KPNA7: variants seen among roughly 807,000 people sequenced by gnomAD.
The protein encoded by KPNA7 is importin subunit alpha-8.
A neutral mutation model predicts 53.7 loss-of-function variants in KPNA7; 54 were observed. The ratio of observed to expected loss-of-function variants is 1.01; its 90% confidence interval spans 0.81 to 1.26. The LOEUF (loss-of-function observed/expected upper bound fraction) is 1.26, where lower values mean the gene tolerates loss of function less well. Among genes scored for constraint, KPNA7 ranks in the 50% most tolerant of loss-of-function variants. The pLI, the probability that KPNA7 is intolerant of heterozygous loss-of-function variation, is 0.00. For synonymous variants in KPNA7, 276 were observed against 259.3 expected, an observed-to-expected ratio of 1.06 and a Z score of -0.62; for missense variants, 640 against 644.5, an observed-to-expected ratio of 0.99 and a Z score of 0.07.
chr7:99,163,514 G>C, the KPNA7 span, among the ~76,000 whole-genome samples: 1 of 146,784 alleles, frequency 6.8e-6, no homozygotes, highest in Non-Finnish European at 1.5e-5. Context: ...TCAGCCTCCT[G>C]AGTAGCTGGG....
At chr7:99,154,134 C>T in the KPNA7 span, among the ~76,000 whole-genome samples, 17 of 141,470 alleles carry the variant, frequency 1.2e-4, no homozygotes, top group African/African-American at 4.4e-4. Context: ...AGCTCACACA[C>T]TTTTTTTTTT....
In KPNA7 at chr7:99,190,278, A is replaced by G. The variant is rs1584287342; in HGVS notation, c.637-1715T>C. 2.0e-5 allele frequency among the ~76,000 whole-genome samples: 3 copies of G among 149,888 alleles called. No individual in the cohort carries two copies. In the Admixed American group the frequency reaches 2.0e-4, roughly 10 times the overall value. ...CTTGAACCCAGGAGGCGGAGGTTGC[A>G]GTGAGCTGAGATTGCACCACTGCAC... On this transcript the variant is annotated intron_variant, in intron 6 of 10. Coordinates refer to ENST00000327442, the MANE Select transcript of KPNA7 (RefSeq NM_001145715.3).
At chr7:99,163,122 A>G in the KPNA7 span, among the ~76,000 whole-genome samples, 1 of 151,882 alleles carries the variant, frequency 6.6e-6, no homozygotes, top group Non-Finnish European at 1.5e-5. Context: ...CGGAGGTTGC[A>G]GTGAGCCGAG....
intron 2 of KPNA7, among the ~76,000 whole-genome samples, chr7:99,204,570 A>G (rs1028053959): frequency 6.6e-6 from 1 of 152,182 alleles, no homozygotes; most frequent in Non-Finnish European, 1.5e-5. Context: ...AAGCTACTTA[A>G]TTCTTGCTTG....
chr7:99,212,469 G>A (rs927984840), upstream of KPNA7, among the ~76,000 whole-genome samples: 1 of 151,530 alleles, frequency 6.6e-6, no homozygotes, highest in Non-Finnish European at 1.5e-5. Flanking sequence ...TGCTGAGCTG[G>A]TCTCAAACTC....
intron 10 of KPNA7, 123 bp from the exon 11 acceptor site, chr7:99,173,917 G>A (rs914779531): frequency 1.6e-6 from 1 of 619,466 alleles, no homozygotes; most frequent in Non-Finnish European, 2.9e-6. Flanking sequence ...AGGTAGCTTA[G>A]TAGCAATTAA....
intron 10 of KPNA7, among the ~76,000 whole-genome samples, chr7:99,177,214 G>A (rs1334954728): frequency 1.3e-5 from 2 of 152,148 alleles, no homozygotes; most frequent in African/African-American, 2.4e-5. Flanking sequence ...TTACTAAAAG[G>A]GCTAGGGGAA....
chr7:99,167,930 G>A, the KPNA7 span, among the ~76,000 whole-genome samples: 4 of 151,996 alleles, frequency 2.6e-5, no homozygotes, highest in South Asian at 2.1e-4. Context: ...ATTACAATGT[G>A]ATAATAAAGT....
rs561542388 is a variant in KPNA7, at chr7:99,176,254, C to T, written c.1464+1666G>A. On this transcript the variant is annotated intron_variant, in intron 10 of 10. Transcript: ENST00000327442. ...TGGAGGTTGCAGTGAGCCAAGATCG[C>T]GCCACTGCACTCCAGCCTGGGCAGC... is the stretch of plus-strand genomic sequence containing the variant. 1.7e-4 allele frequency among the ~76,000 whole-genome samples: 25 copies of T among 146,346 alleles called. 1 individual carries two copies. The East Asian group carries it at 3.3e-3, about 19-fold the overall frequency.
At chr7:99,195,833 A>T (rs954040726) in intron 4 of KPNA7, among the ~76,000 whole-genome samples, 1 of 152,230 alleles carries the variant, frequency 6.6e-6, no homozygotes, top group Non-Finnish European at 1.5e-5. Flanking sequence ...GGTGTTATCT[A>T]CAAGATGAAA....
intron 4 of KPNA7, among the ~76,000 whole-genome samples, chr7:99,195,812 T>C (rs1790200367): frequency 6.6e-6 from 1 of 152,210 alleles, no homozygotes; most frequent in African/African-American, 2.4e-5. Context: ...AATCAACATT[T>C]TCCCCTTTAA....
chr7:99,190,476 C>G (rs1789887257), intron 6 of KPNA7, among the ~76,000 whole-genome samples: 1 of 152,214 alleles, frequency 6.6e-6, no homozygotes, highest in South Asian at 2.1e-4. Context: ...GAATTTAGAA[C>G]CTTAGAGCCC....
the KPNA7 span, among the ~76,000 whole-genome samples, chr7:99,167,981 T>TCCCCCCCCCCCCCCCC: frequency 1.5e-5 from 2 of 137,658 alleles, no homozygotes; most frequent in African/African-American, 2.8e-5. Flanking sequence ...CCCAAACCAT[T>TCCCCCCCCCCCCCCCC]CCCCCACCCC....
chr7:99,200,843 C>G (rs1428167560), intron 3 of KPNA7, among the ~76,000 whole-genome samples: 3 of 152,074 alleles, frequency 2.0e-5, no homozygotes, highest in Non-Finnish European at 4.4e-5. Context: ...TGATGCATGC[C>G]TGTAATCCTA....
intron 5 of KPNA7, among the ~76,000 whole-genome samples, chr7:99,193,861 A>G (rs1241580452): frequency 1.3e-5 from 2 of 152,008 alleles, no homozygotes; most frequent in African/African-American, 4.8e-5. Flanking sequence ...TATTTTTTGT[A>G]GAGATAAGTT....
chr7:99,168,606 G>A (rs1198829825), downstream of KPNA7, among the ~76,000 whole-genome samples: 1 of 152,046 alleles, frequency 6.6e-6, no homozygotes, highest in Non-Finnish European at 1.5e-5. Context: ...AACCTCCTGG[G>A]CTCAAGTGAT....
downstream of KPNA7, among the ~76,000 whole-genome samples, chr7:99,172,610 G>A (rs192288152): frequency 2.0e-5 from 3 of 152,136 alleles, no homozygotes; most frequent in East Asian, 1.9e-4. Context: ...AAACACACAC[G>A]CACTCTCTTT....
chr7:99,200,982 G>A (rs7797179), intron 3 of KPNA7, among the ~76,000 whole-genome samples: 96,149 of 151,980 alleles, frequency 0.63, 34,298 homozygotes, highest in Non-Finnish European at 0.79. Flanking sequence ...ACAAATAAAT[G>A]GATAAACAAA....
chr7:99,180,921 GTC>G (rs553772679), intron 9 of KPNA7, among the ~76,000 whole-genome samples: 1 of 29,944 alleles, frequency 3.3e-5, no homozygotes, highest in Non-Finnish European at 5.8e-5. Context: ...CCCCGTCTGT[GTC>G]TCTCTCTCTC....
Sources: allele counts gnomAD v4.1 joint callset (sites outside exome capture counted in the v4.1 genomes callset), GRCh38; gene constraint gnomAD v4.1.1; transcripts MANE v1.5; gene names NCBI Gene and HGNC (gene_info 2026-07-23, HGNC 2026-07-21).